PHF20: variants seen among roughly 807,000 people sequenced by gnomAD.
PHF20 encodes glioma-expressed antigen 2.
In PHF20, 23 loss-of-function variants were observed where a neutral mutation model predicts 113.5. The ratio of observed to expected loss-of-function variants is 0.20; its 90% CI spans 0.15 to 0.29. The LOEUF is 0.29. PHF20 is among the 10% of genes least tolerant of loss of function. The pLI, the probability that PHF20 is intolerant of heterozygous loss-of-function variation, is 1.00. For missense variants in PHF20, 943 were observed against 1,219.6 expected (o/e 0.77, Z 3.38); for synonymous variants, 434 against 457.3 (o/e 0.95, Z 0.65).
intron 14 of PHF20, 113 bp downstream of exon 14, chr20:35,927,992 C>A: frequency 1.3e-6 from 1 of 771,984 alleles, no homozygotes; most frequent in East Asian, 2.5e-5. Flanking sequence ...TCAGCATCGG[C>A]TAGACTCCAG....
chr20:35,829,950 G>A (rs1201043842), intron 2 of PHF20, among the ~76,000 whole-genome samples: 1 of 150,316 alleles, frequency 6.7e-6, no homozygotes, highest in Non-Finnish European at 1.5e-5. Flanking sequence ...GTTTCGCTCT[G>A]TCACCTAGGC....
At chr20:35,780,214 C>A (rs2041259539) in intron 1 of PHF20, among the ~76,000 whole-genome samples, 1 of 151,058 alleles carries the variant, frequency 6.6e-6, no homozygotes. Flanking sequence ...ACCCTCACCC[C>A]AGATTTCTTT....
chr20:35,937,186 G>A (rs1460577930), intron 15 of PHF20, among the ~76,000 whole-genome samples: 1 of 152,028 alleles, frequency 6.6e-6, no homozygotes, highest in Non-Finnish European at 1.5e-5. Flanking sequence ...AAGGCCAGTC[G>A]CCAGGCTTGG....
At chr20:35,932,147 A>G (rs1156808594) in intron 15 of PHF20, among the ~76,000 whole-genome samples, 2 of 146,848 alleles carry the variant, frequency 1.4e-5, no homozygotes, top group Non-Finnish European at 1.5e-5. Context: ...GGCTCACTGC[A>G]GCCTCCACCT....
At chr20:35,817,142 T>C (rs747150573) in intron 2 of PHF20, among the ~76,000 whole-genome samples, 1 of 151,472 alleles carries the variant, frequency 6.6e-6, no homozygotes, top group Non-Finnish European at 1.5e-5. Context: ...AACAGTTCTT[T>C]CTTTTTTTTT....
chr20:35,863,255 G>A lies in PHF20; in HGVS notation c.663G>A (p.Lys221=). 1 of 1,614,162 alleles carries A rather than the reference G, an allele frequency of 6.2e-7. No individual in the cohort carries two copies. Residue 221 remains lysine (K), a synonymous_variant, in exon 6 of 18, where the codon AAG becomes AAA. Coordinates refer to ENST00000374012, the MANE Select transcript of PHF20 (RefSeq NM_016436.5). The part of the protein sequence containing the change: ...KSLPKNEKED[K]ENISENDREY... ...TTCCCAAGAACGAGAAGGAAGACAA[G>A]GAAAACATTTCCGAAAATGACAGAG...
intron 9 of PHF20, among the ~76,000 whole-genome samples, chr20:35,877,066 C>A (rs2147002481): frequency 7.1e-6 from 1 of 140,592 alleles, no homozygotes; most frequent in African/African-American, 2.7e-5. Flanking sequence ...TAGATCATGC[C>A]ACTGCACTCC....
intron 9 of PHF20, among the ~76,000 whole-genome samples, chr20:35,889,836 T>C (rs2054815610): frequency 6.6e-6 from 1 of 152,060 alleles, no homozygotes; most frequent in Non-Finnish European, 1.5e-5. Flanking sequence ...CAAGTGATTC[T>C]CTCACCTTAG....
chr20:35,789,079 G>A (rs2041484174), intron 1 of PHF20, among the ~76,000 whole-genome samples: 1 of 152,112 alleles, frequency 6.6e-6, no homozygotes, highest in Non-Finnish European at 1.5e-5. Flanking sequence ...CCTTCAGGGA[G>A]GTTCCAATGG....
chr20:35,939,256 G>A, intron 16 of PHF20, 148 bp downstream of exon 16: 1 of 953,714 alleles, frequency 1.0e-6, no homozygotes, highest in Non-Finnish European at 1.5e-6. Context: ...TGCCAAAATG[G>A]GTGCAAAGTC....
rs144571147 is a variant in PHF20, at chr20:35,900,142, A to G, written c.1561+494A>G. 1.5e-3 allele frequency among the ~76,000 whole-genome samples: 228 copies of G among 152,372 alleles called. 1 individual carries two copies. Among genetic ancestry groups the G allele is most frequent in the African/African-American group, 5.3e-3 (219 of 41,598 alleles). Reference sequence around the variant, plus strand: ...GCACTGTTTGTTTTGCATAGAAACCATAATAGGGGTTACCATAAAATCTCA... The same window carrying G: ...GCACTGTTTGTTTTGCATAGAAACCGTAATAGGGGTTACCATAAAATCTCA... On this transcript the variant is annotated intron_variant, in intron 10 of 17. Transcript: ENST00000374012.
At chr20:35,895,842 C>T (rs551374250) in intron 9 of PHF20, among the ~76,000 whole-genome samples, 6 of 152,032 alleles carry the variant, frequency 3.9e-5, no homozygotes, top group Admixed American at 3.3e-4. Context: ...CATGCCACCA[C>T]GCCCAGCTAA....
At chr20:35,779,157 T>C (rs2041234878) in intron 1 of PHF20, among the ~76,000 whole-genome samples, 1 of 151,878 alleles carries the variant, frequency 6.6e-6, no homozygotes, top group Admixed American at 6.6e-5. Flanking sequence ...TGCTTCAGCC[T>C]CCCAAGTAGC....
chr20:35,813,768 G>T (rs576705348), intron 2 of PHF20, among the ~76,000 whole-genome samples: 46 of 152,060 alleles, frequency 3.0e-4, no homozygotes, highest in Admixed American at 2.8e-3. Context: ...TGAGGCAGGA[G>T]AATTGTTTGA....
chr20:35,926,378 C>A (rs1257295371), intron 13 of PHF20, among the ~76,000 whole-genome samples: 2 of 151,114 alleles, frequency 1.3e-5, no homozygotes, highest in South Asian at 4.2e-4. Context: ...GCTGGGACTA[C>A]AGGCGCCCGC....
chr20:35,863,355 G>A lies in PHF20; in HGVS notation c.763G>A (p.Glu255Lys). 1 of 1,608,148 alleles carries A rather than the reference G, an allele frequency of 6.2e-7. No individual in the cohort carries two copies. Among genetic ancestry groups the A allele is most frequent in the South Asian group, 1.1e-5 (1 of 89,902 alleles). ...IVKSPQENLR[E>K]PKRKRGRPPS... ...GAAGAGTCCACAAGAAAACTTGAGG[G>A]AACCCAAAAGAAAACGAGGCAGACC... The change falls in exon 6 of 18, where the codon GAA becomes AAA. Residue 255 changes from glutamate (E) to lysine (K), a missense_variant. Physicochemically the swap from Glu to Lys is moderately conservative, Grantham distance 56 (BLOSUM62 1). Around this residue, in one of 3 missense-constraint regions of PHF20, gnomAD observed 592 missense variants for 787.2 expected, o/e 0.75. Coordinates refer to ENST00000374012, the MANE Select transcript of PHF20 (RefSeq NM_016436.5).
chr20:35,783,394 G>A (rs1048257619), intron 1 of PHF20, among the ~76,000 whole-genome samples: 3 of 151,622 alleles, frequency 2.0e-5, no homozygotes, highest in African/African-American at 4.8e-5. Context: ...TATCAGTAGT[G>A]TATGCCAAAG....
chr20:35,919,409 G>A (rs908042876), intron 13 of PHF20, among the ~76,000 whole-genome samples: 8 of 146,998 alleles, frequency 5.4e-5, no homozygotes, highest in East Asian at 2.0e-4. Context: ...GCGCAATCTC[G>A]GCTCACTGCA....
Position 35,842,702 on chromosome 20 carries a change from A to G in PHF20, c.213A>G (p.Ile71Met). 6.2e-7 allele frequency: 1 copy of G among 1,614,156 alleles called. No individual in the cohort carries two copies. The highest frequency in any genetic ancestry group is 8.5e-7 in the Non-Finnish European group (1 of 1,180,014). ...CTTATTTACGCCCTTTAGAGAAAAT[A>G]CAGCTGAGGAAAGAGGGCTTGCATG... is the stretch of plus-strand genomic sequence containing the variant. ...DSPYLRPLEK[I>M]QLRKEGLHEE... The change falls in exon 3 of 18, where the codon ATA becomes ATG. Residue 71 changes from isoleucine to methionine, a missense_variant. Transcript: ENST00000374012.
Sources: gnomAD v4.1 joint callset for allele counts (sites outside exome capture counted in the v4.1 genomes callset) on GRCh38, gnomAD v4.1.1 for gene constraint, gnomAD v4.1.1 regional missense constraint, MANE v1.5 for transcripts, NCBI Gene and HGNC (gene_info 2026-07-23, HGNC 2026-07-21) for gene names.